Variants in KCNMB2 observed in about 807,000 individuals in gnomAD.
KCNMB2 encodes the protein calcium-activated potassium channel subunit beta-2.
Under a neutral mutation model 24.5 loss-of-function variants are expected in KCNMB2, and 9 were observed. That is an observed-to-expected ratio of 0.37 (90% CI 0.22 to 0.64). KCNMB2 has a LOEUF of 0.64. Ranked by LOEUF, KCNMB2 falls within the 30% of genes least tolerant of loss-of-function variation. KCNMB2 has a pLI of 0.63. For missense variants in KCNMB2, 226 were observed against 284.3 expected (o/e 0.79, Z 1.47); for synonymous variants, 109 against 104.4 (o/e 1.04, Z -0.27).
chr3:178,690,025 G>T (rs1721612799), intron 1 of KCNMB2, among the ~76,000 whole-genome samples: 1 of 152,040 alleles, frequency 6.6e-6, no homozygotes, highest in Admixed American at 6.6e-5. Flanking sequence ...TAAAATCACT[G>T]TATACACAAA....
intron 1 of KCNMB2, among the ~76,000 whole-genome samples, chr3:178,717,327 C>T (rs1009440528): frequency 6.6e-6 from 1 of 152,210 alleles, no homozygotes; most frequent in South Asian, 2.1e-4. Flanking sequence ...TTCTAACCTC[C>T]TCAGATCCTG....
At chr3:178,572,041 G>A (rs1289637164) in intron 1 of KCNMB2, among the ~76,000 whole-genome samples, 1 of 152,172 alleles carries the variant, frequency 6.6e-6, no homozygotes, top group Non-Finnish European at 1.5e-5. Context: ...CTGTACAAGT[G>A]TAAGATTTAT....
At chr3:178,615,635 G>C (rs1718677098) in intron 1 of KCNMB2, among the ~76,000 whole-genome samples, 1 of 152,192 alleles carries the variant, frequency 6.6e-6, no homozygotes, top group Non-Finnish European at 1.5e-5. Context: ...AGCTTGCGAT[G>C]AGTGCTGCCT....
At chr3:178,618,004 A>C (rs1017991193) in intron 1 of KCNMB2, among the ~76,000 whole-genome samples, 1 of 150,688 alleles carries the variant, frequency 6.6e-6, no homozygotes, top group African/African-American at 2.5e-5. Flanking sequence ...AATCATATGC[A>C]GATAGATAGA....
chr3:178,788,801 T>G (rs559473946), intron 1 of KCNMB2, among the ~76,000 whole-genome samples: 2 of 152,300 alleles, frequency 1.3e-5, no homozygotes, highest in East Asian at 3.9e-4. Context: ...CTAACAATCT[T>G]ATATTAAAGA....
chr3:178,639,054 A>G (rs1352009926), intron 1 of KCNMB2, among the ~76,000 whole-genome samples: 2 of 152,196 alleles, frequency 1.3e-5, no homozygotes, highest in African/African-American at 4.8e-5. Flanking sequence ...TTTTAGCTGT[A>G]CTAGAGTTAC....
intron 1 of KCNMB2, among the ~76,000 whole-genome samples, chr3:178,549,741 C>T (rs138017352): frequency 2.4e-3 from 362 of 152,220 alleles, no homozygotes; most frequent in African/African-American, 8.4e-3. Context: ...AAAGTAACAA[C>T]ACTCATTGTC....
chr3:178,574,310 G>A (rs1467578256), intron 1 of KCNMB2, among the ~76,000 whole-genome samples: 1 of 152,190 alleles, frequency 6.6e-6, no homozygotes, highest in Non-Finnish European at 1.5e-5. Context: ...GACTCTTCAC[G>A]CTCTGACTCT....
chr3:178,807,257 T>C (rs147019321), intron 1 of KCNMB2, 86 bp from the exon 2 acceptor site: 334 of 561,926 alleles, frequency 5.9e-4, no homozygotes, highest in African/African-American at 5.7e-3. Flanking sequence ...CCACTGCCCC[T>C]ATGGAATCAA....
intron 1 of KCNMB2, among the ~76,000 whole-genome samples, chr3:178,648,346 T>A (rs1719993007): frequency 6.6e-6 from 1 of 152,190 alleles, no homozygotes; most frequent in Admixed American, 6.5e-5. Context: ...AAGACCATCC[T>A]GGGCAACATA....
intron 1 of KCNMB2, among the ~76,000 whole-genome samples, chr3:178,691,105 G>GTTTTTTTT (rs1310077931): frequency 2.4e-4 from 8 of 32,950 alleles, no homozygotes; most frequent in African/African-American, 9.4e-4. Flanking sequence ...TCCCCATTAA[G>GTTTTTTTT]TCTTTTTTTT....
rs899765629 is a variant in KCNMB2, at chr3:178,770,651, C to A, written c.-67-36692C>A. Among the ~76,000 whole-genome samples the A allele has an allele frequency of 7.9e-5, 12 of 151,850 alleles. No homozygotes were observed. In the East Asian group the frequency reaches 1.2e-3, roughly 15 times the overall value. ...GTAAGAAAGCTTCAACAGTTAAAAT[C>A]AAAAAAAATATGTGAAAATGGTGCA... On this transcript the variant is annotated intron_variant, in intron 1 of 4. Coordinates refer to ENST00000452583, the MANE Select transcript of KCNMB2 (RefSeq NM_181361.3).
At chr3:178,814,929 AC>A (rs1210132606) in intron 2 of KCNMB2, among the ~76,000 whole-genome samples, 1 of 151,546 alleles carries the variant, frequency 6.6e-6, no homozygotes, top group African/African-American at 2.4e-5. Context: ...TAGTCTGTTT[AC>A]TCTGTTAATT....
At chr3:178,682,573 T>C (rs1455946980) in intron 1 of KCNMB2, among the ~76,000 whole-genome samples, 1 of 152,098 alleles carries the variant, frequency 6.6e-6, no homozygotes, top group Non-Finnish European at 1.5e-5. Context: ...AATATCTACA[T>C]TAAAGCAAAG....
intron 1 of KCNMB2, chr3:178,559,101 G>A (rs1716224922): frequency 6.6e-6 from 1 of 152,174 alleles, no homozygotes. Context: ...AGCTGTACTG[G>A]TTTGGATGTT....
At chr3:178,839,398 G>A (rs1340678306) in intron 4 of KCNMB2, among the ~76,000 whole-genome samples, 1 of 152,174 alleles carries the variant, frequency 6.6e-6, no homozygotes, top group Non-Finnish European at 1.5e-5. Flanking sequence ...GTGTGAACAG[G>A]AAGAGGAACA....
rs574941782 is a variant in KCNMB2, at chr3:178,837,659, T to A, written c.424-4994T>A. ...TCCACTGGTATCTGTCTGTTGCTCA[T>A]ATGTGTACCATTGGCCCTGAGGTCC... On this transcript the variant is annotated intron_variant, in intron 4 of 4. Coordinates refer to ENST00000452583, the MANE Select transcript of KCNMB2 (RefSeq NM_181361.3). 2.0e-5 allele frequency among the ~76,000 whole-genome samples: 3 copies of A among 152,298 alleles called. No homozygotes were observed. The East Asian group carries it at 5.8e-4, about 29-fold the overall frequency.
chr3:178,673,444 T>C (rs981670730), intron 1 of KCNMB2, among the ~76,000 whole-genome samples: 2 of 152,132 alleles, frequency 1.3e-5, no homozygotes, highest in African/African-American at 4.8e-5. Flanking sequence ...TTAATTCTTA[T>C]TTTACTGAAA....
Position 178,626,883 on chromosome 3 carries a change from CTT to C in KCNMB2, c.-68+90173_-68+90174del, listed in dbSNP as rs563598766. On this transcript the variant is annotated intron_variant, in intron 1 of 4. Coordinates refer to ENST00000452583, the MANE Select transcript of KCNMB2 (RefSeq NM_181361.3). ...ATAGAGAGAATAAGTATATATGTAA[CTT>C]ATATATATATAGTAAGTATATATAT... 2.4e-3 allele frequency among the ~76,000 whole-genome samples: 357 copies of C among 148,232 alleles called. 2 individuals carry two copies. The highest frequency in any genetic ancestry group is 2.6e-3 in the Non-Finnish European group (172 of 67,296).
Sources: gnomAD v4.1 joint callset for allele counts (sites outside exome capture counted in the v4.1 genomes callset) on GRCh38, gnomAD v4.1.1 for gene constraint, MANE v1.5 for transcripts, NCBI Gene and HGNC (gene_info 2026-07-23, HGNC 2026-07-21) for gene names.